GALNT17: variants seen among roughly 807,000 people sequenced by gnomAD.
GALNT17 encodes UDP-GalNAc:polypeptide N-acetylgalactosaminyltransferase-like 3.
In GALNT17, 29 loss-of-function variants were observed where a neutral mutation model predicts 63.7. That is an observed-to-expected ratio of 0.46 (90% CI 0.34 to 0.62). The LOEUF is 0.62. GALNT17 is among the 20% of genes least tolerant of loss of function. The pLI is 0.01. For synonymous variants in GALNT17, 305 were observed against 318.3 expected (o/e 0.96, Z 0.45); for missense variants, 603 against 799.6 (o/e 0.75, Z 2.97).
intron 1 of GALNT17, among the ~76,000 whole-genome samples, chr7:71,239,306 A>C (rs56665756): frequency 3.9e-4 from 44 of 113,334 alleles, no homozygotes; most frequent in Middle Eastern, 5.0e-3. Context: ...CCCCCCCCCA[A>C]AAAAAAATAA....
intron 9 of GALNT17, among the ~76,000 whole-genome samples, chr7:71,682,115 T>C (rs1360891923): frequency 6.6e-6 from 1 of 152,054 alleles, no homozygotes; most frequent in African/African-American, 2.4e-5. Context: ...TCAGTAGTGA[T>C]GGTGTTTCGC....
intron 8 of GALNT17, 31 bp downstream of exon 8, chr7:71,670,140 G>C (rs1193783907): frequency 4.3e-6 from 7 of 1,613,626 alleles, no homozygotes; most frequent in Non-Finnish European, 5.1e-6. Context: ...TTTTGGCTTG[G>C]AATGCTGTTC....
chr7:71,217,140 G>GTTTTT lies in GALNT17; in HGVS notation c.238+84104_238+84105insTTTTT, dbSNP rs200574411. Among the ~76,000 whole-genome samples the GTTTTT allele has an allele frequency of 1.8e-4, 17 of 95,210 alleles. 3 individuals are homozygous for GTTTTT. Among genetic ancestry groups the GTTTTT allele is most frequent in the South Asian group, 3.9e-4 (1 of 2,586 alleles). 62.5% of individuals were successfully genotyped at this position (95,210 alleles called of 152,430 possible). ...CACCATGCACAGCTAATTTTTTCGT[G>GTTTTT]TTTTGTTTTTTTTTTTTTTTTTTTT... On this transcript the variant is annotated intron_variant, in intron 1 of 10. Transcript: ENST00000333538.
At chr7:71,408,987 T>C (rs965084800) in intron 3 of GALNT17, among the ~76,000 whole-genome samples, 1 of 148,590 alleles carries the variant, frequency 6.7e-6, no homozygotes, top group Non-Finnish European at 1.5e-5. Flanking sequence ...TACATATATA[T>C]ACACACATAC....
chr7:71,574,621 G>A (rs1208911212), intron 6 of GALNT17, among the ~76,000 whole-genome samples: 2 of 151,540 alleles, frequency 1.3e-5, no homozygotes, highest in African/African-American at 4.9e-5. Flanking sequence ...TCTGGGTTTG[G>A]AGTCTACACA....
intron 5 of GALNT17, among the ~76,000 whole-genome samples, chr7:71,557,647 C>T (rs1171130820): frequency 6.6e-6 from 1 of 151,916 alleles, no homozygotes; most frequent in African/African-American, 2.4e-5. Context: ...TAAAATTAGC[C>T]AGGCCCGGTG....
At position 71,367,190 on chromosome 7, in the gene GALNT17, T is replaced by C. The variant is rs531929371; in HGVS notation, c.423-21045T>C. ...TTGTAAAACCACTGCCGTAATCTTA[T>C]CCATCTACTTCTCTTGCCTCTCCTC... On this transcript the variant is annotated intron_variant, in intron 2 of 10. Transcript: ENST00000333538. Among the ~76,000 whole-genome samples, 85 of 152,346 alleles carry C rather than the reference T, an allele frequency of 5.6e-4. 1 individual carries two copies. Among genetic ancestry groups the C allele is most frequent in the Non-Finnish European group, 5.3e-4 (36 of 68,026 alleles).
intron 2 of GALNT17, among the ~76,000 whole-genome samples, chr7:71,354,013 A>T (rs1184316143): frequency 6.6e-6 from 1 of 151,724 alleles, no homozygotes; most frequent in African/African-American, 2.4e-5. Context: ...CAGGATCAAG[A>T]GAGAGAGAGA....
intron 1 of GALNT17, among the ~76,000 whole-genome samples, chr7:71,181,253 T>TAAAA (rs34436643): frequency 7.4e-6 from 1 of 135,048 alleles, no homozygotes; most frequent in Non-Finnish European, 1.6e-5. Context: ...AGACTCGTCT[T>TAAAA]AAAAAAAAAA....
intron 5 of GALNT17, among the ~76,000 whole-genome samples, chr7:71,568,428 G>A (rs1466979619): frequency 6.6e-6 from 1 of 152,170 alleles, no homozygotes; most frequent in African/African-American, 2.4e-5. Context: ...ACTAATTTTT[G>A]TATTATTCTT....
chr7:71,263,222 G>T (rs1790417594), intron 1 of GALNT17, among the ~76,000 whole-genome samples: 1 of 151,788 alleles, frequency 6.6e-6, no homozygotes, highest in Admixed American at 6.6e-5. Flanking sequence ...AACTGGGTGT[G>T]GTGGCGGGTG....
intron 6 of GALNT17, among the ~76,000 whole-genome samples, chr7:71,583,892 AG>A (rs1330519873): frequency 3.3e-5 from 5 of 152,050 alleles, no homozygotes. Flanking sequence ...TGGGAGGCTG[AG>A]GCAGGTGGAT....
At chr7:71,180,149 G>A (rs1207296642) in intron 1 of GALNT17, among the ~76,000 whole-genome samples, 1 of 151,438 alleles carries the variant, frequency 6.6e-6, no homozygotes. Flanking sequence ...TTTTTGAGAT[G>A]GAGTGTCGCT....
intron 2 of GALNT17, among the ~76,000 whole-genome samples, chr7:71,370,375 T>C (rs1424570814): frequency 6.6e-6 from 1 of 152,206 alleles, no homozygotes; most frequent in Non-Finnish European, 1.5e-5. Context: ...CATGGCTCAC[T>C]GCAGCCTTGA....
intron 2 of GALNT17, among the ~76,000 whole-genome samples, chr7:71,379,498 CTT>C (rs2116312538): frequency 6.6e-6 from 1 of 152,110 alleles, no homozygotes; most frequent in African/African-American, 2.4e-5. Context: ...AGTTAGGTGG[CTT>C]TTGGTGTCAT....
intron 1 of GALNT17, among the ~76,000 whole-genome samples, chr7:71,184,092 AGAG>A (rs1380895732): frequency 6.6e-6 from 1 of 152,176 alleles, no homozygotes; most frequent in Non-Finnish European, 1.5e-5. Context: ...CCTTATAAAA[AGAG>A]GAGATTAGGA....
intron 5 of GALNT17, among the ~76,000 whole-genome samples, chr7:71,535,542 C>T (rs1305575497): frequency 6.6e-6 from 1 of 152,164 alleles, no homozygotes; most frequent in Non-Finnish European, 1.5e-5. Flanking sequence ...GTATTCTCAC[C>T]TGCAAAGTAA....
At chr7:71,377,294 T>C (rs1792761084) in intron 2 of GALNT17, among the ~76,000 whole-genome samples, 1 of 151,340 alleles carries the variant, frequency 6.6e-6, no homozygotes, top group Non-Finnish European at 1.5e-5. Context: ...CAACTCTTTA[T>C]GACTCAAAGA....
intron 9 of GALNT17, among the ~76,000 whole-genome samples, chr7:71,701,843 G>GTGTA (rs1791646227): frequency 4.9e-4 from 14 of 28,678 alleles, no homozygotes; most frequent in South Asian, 9.1e-4. Context: ...ATATATATGT[G>GTGTA]TATATATATA....
Sources: allele counts gnomAD v4.1 joint callset (sites outside exome capture counted in the v4.1 genomes callset), GRCh38; gene constraint gnomAD v4.1.1; transcripts MANE v1.5; gene names NCBI Gene and HGNC (gene_info 2026-07-23, HGNC 2026-07-21).